TEF: variants seen among roughly 807,000 people sequenced by gnomAD.
TEF encodes the protein thyrotroph embryonic factor.
Under a neutral mutation model 20.8 loss-of-function variants are expected in TEF, and 3 were observed. The ratio of observed to expected loss-of-function variants is 0.14; its 90% CI spans 0.07 to 0.37. The LOEUF is 0.37. TEF is among the 10% of genes least tolerant of loss of function. TEF has a pLI of 1.00. For missense variants in TEF, 296 were observed against 397.9 expected (o/e 0.74, Z 2.18); for synonymous variants, 180 against 171.1 (o/e 1.05, Z -0.41).
chr22:41,371,254 T>C (rs1414102125), intron 1 of TEF, among the ~76,000 whole-genome samples: 3 of 152,258 alleles, frequency 2.0e-5, no homozygotes, highest in Admixed American at 1.3e-4. Context: ...CCTCCCATTT[T>C]CTTGCCATCT....
chr22:41,392,247 G>A (rs1193626617), intron 2 of TEF, among the ~76,000 whole-genome samples: 4 of 152,178 alleles, frequency 2.6e-5, no homozygotes, highest in Non-Finnish European at 2.9e-5. Flanking sequence ...GCCAGGTGGG[G>A]CAGGGAAGAA....
chr22:41,396,058 C>T lies in TEF; in HGVS notation c.*98C>T, dbSNP rs1418655307. On this transcript the variant is annotated 3_prime_UTR_variant, in exon 4 of 4. Coordinates refer to ENST00000266304, the MANE Select transcript of TEF (RefSeq NM_003216.4). ...ACACGCGTGGAGACTTATGACTCGT[C>T]GTGGGCGCATGGCGGCGCACCTGCT... 8 of 1,342,742 alleles carry T rather than the reference C, an allele frequency of 6.0e-6. No individual in the cohort carries two copies. The highest frequency in any genetic ancestry group is 2.9e-5 in the African/African-American group (2 of 68,876). The allele number at this position is 1,342,742 out of a possible 1,614,324, so 83.2% of individuals were successfully genotyped here. A position where few individuals can be genotyped will look rare whatever the true frequency, so the allele number is the denominator to read the frequency against.
chr22:41,387,285 C>A, intron 1 of TEF, 66 bp from the exon 2 acceptor site: 1 of 1,558,922 alleles, frequency 6.4e-7, no homozygotes, highest in Non-Finnish European at 8.8e-7. Flanking sequence ...GTGAGGCTCA[C>A]TGCCCACTTC....
intron 1 of TEF, among the ~76,000 whole-genome samples, chr22:41,368,162 C>T (rs750137209): frequency 1.1e-4 from 17 of 152,134 alleles, no homozygotes; most frequent in Non-Finnish European, 2.4e-4. Flanking sequence ...GAGAGGAGGG[C>T]GTGGACTGAG....
intron 1 of TEF, among the ~76,000 whole-genome samples, chr22:41,385,788 G>A (rs1441336832): frequency 6.6e-6 from 1 of 152,114 alleles, no homozygotes; most frequent in Non-Finnish European, 1.5e-5. Flanking sequence ...AGGTTCAAGT[G>A]ATTCTCCTGT....
intron 2 of TEF, among the ~76,000 whole-genome samples, chr22:41,391,898 G>A (rs907558043): frequency 6.6e-6 from 1 of 152,170 alleles, no homozygotes. Flanking sequence ...TGAGATTACA[G>A]GTGTGCACCA....
chr22:41,382,001 G>A lies in TEF; in HGVS notation c.-44G>A. On this transcript the variant is annotated 5_prime_UTR_variant, in exon 1 of 4. Transcript: ENST00000266304. ...CGCACGGCTCCGGCCCATCTCGGGG[G>A]GCGGGCGGGGGAGGCGAGGTGCGCG... 8.1e-7 allele frequency: 1 copy of A among 1,229,820 alleles called. No homozygotes were observed. The highest frequency in any genetic ancestry group is 1.0e-6 in the Non-Finnish European group (1 of 986,694). The allele number at this position is 1,229,820 out of a possible 1,614,324, so 76.2% of individuals were successfully genotyped here. A position where few individuals can be genotyped will look rare whatever the true frequency, so the allele number is the denominator to read the frequency against.
intron 1 of TEF, 56 bp from the exon 2 acceptor site, chr22:41,387,295 C>A (rs1351418046): frequency 6.3e-7 from 1 of 1,586,916 alleles, no homozygotes; most frequent in Non-Finnish European, 8.6e-7. Flanking sequence ...CTGCCCACTT[C>A]CTGGGATTGA....
chr22:41,379,853 A>T (rs1274086671), upstream of TEF, among the ~76,000 whole-genome samples: 1 of 150,086 alleles, frequency 6.7e-6, no homozygotes, highest in Non-Finnish European at 1.5e-5. Context: ...AGATCGCGCC[A>T]TTGCACTCCA....
chr22:41,394,270 C>T lies in TEF; in HGVS notation c.650C>T (p.Pro217Leu). ...KFAEEDLKPQPMIKKAKKVFV... is the reference protein window; with the variant it reads ...KFAEEDLKPQLMIKKAKKVFV... ...GCTGAGGAGGACCTGAAGCCCCAGC[C>T]TATGATCAAAAAGGCCAAGAAGGTC... Residue 217 changes from proline (P) to leucine (L), a missense_variant, in exon 3 of 4, where the codon CCT becomes CTT. Coordinates refer to ENST00000266304, the MANE Select transcript of TEF (RefSeq NM_003216.4). The T allele has an allele frequency of 6.2e-7, 1 of 1,614,114 alleles. No homozygotes were observed. The highest frequency in any genetic ancestry group is 8.5e-7 in the Non-Finnish European group (1 of 1,180,038).
At chr22:41,375,296 A>C (rs2036927221) in intron 1 of TEF, among the ~76,000 whole-genome samples, 1 of 152,316 alleles carries the variant, frequency 6.6e-6, no homozygotes, top group East Asian at 1.9e-4. Flanking sequence ...CACTGAGACC[A>C]AGGAGGGTAC....
At chr22:41,389,421 A>G (rs1166835004) in intron 2 of TEF, among the ~76,000 whole-genome samples, 1 of 149,208 alleles carries the variant, frequency 6.7e-6, no homozygotes, top group East Asian at 2.0e-4. Flanking sequence ...AAAGATCGAG[A>G]CCATCCTGGC....
At chr22:41,368,023 C>T (rs144286348) in intron 1 of TEF, among the ~76,000 whole-genome samples, 643 of 152,224 alleles carry the variant, frequency 4.2e-3, no homozygotes, top group Middle Eastern at 0.037. Context: ...TTCCTTGGTG[C>T]GCCTGCTGCA....
chr22:41,382,322 G>A, intron 1 of TEF, 121 bp downstream of exon 1: 1 of 905,092 alleles, frequency 1.1e-6, no homozygotes. Flanking sequence ...GAGGGGGATG[G>A]GGCCTGGATG....
rs774357314 is a variant in TEF at position 41,394,298 on chromosome 22, T to C, written c.678T>C (p.Phe226=). 3 of 1,613,980 alleles carry C rather than the reference T, an allele frequency of 1.9e-6. No individual in the cohort carries two copies. Among genetic ancestry groups the C allele is most frequent in the Non-Finnish European group, 2.5e-6 (3 of 1,179,982 alleles). The part of the protein sequence containing the change: ...QPMIKKAKKV[F]VPDEQKDEKY... ...TGATCAAAAAGGCCAAGAAGGTCTT[T>C]GTCCCCGACGAGCAGAAGGTAACCT... The change falls in exon 3 of 4, where the codon TTT becomes TTC. Residue 226 remains phenylalanine (F), a synonymous_variant. Coordinates refer to ENST00000266304, the MANE Select transcript of TEF (RefSeq NM_003216.4).
intron 1 of TEF, among the ~76,000 whole-genome samples, chr22:41,370,849 C>T (rs2036875853): frequency 6.6e-6 from 1 of 152,212 alleles, no homozygotes; most frequent in South Asian, 2.1e-4. Context: ...AGACTTTCTC[C>T]ACCAGAGCTG....
upstream of TEF, among the ~76,000 whole-genome samples, chr22:41,381,654 C>G (rs371716649): frequency 6.6e-6 from 1 of 152,030 alleles, no homozygotes. Context: ...GGGACCGCGC[C>G]GAGGAAGGCC....
chr22:41,391,343 T>C (rs1403281869), intron 2 of TEF, among the ~76,000 whole-genome samples: 1 of 151,858 alleles, frequency 6.6e-6, no homozygotes, highest in East Asian at 1.9e-4. Context: ...TTTTTTTTTT[T>C]TTAAGACAGT....
intron 3 of TEF, among the ~76,000 whole-genome samples, 178 bp downstream of exon 3, chr22:41,394,494 CAT>C (rs1247307656): frequency 4.6e-5 from 7 of 152,186 alleles, no homozygotes. Context: ...GAAAGGGAGT[CAT>C]GTGGCATTTG....
Sources: allele counts gnomAD v4.1 joint callset (sites outside exome capture counted in the v4.1 genomes callset), GRCh38; gene constraint gnomAD v4.1.1; transcripts MANE v1.5; gene names NCBI Gene and HGNC (gene_info 2026-07-23, HGNC 2026-07-21).